FAM184A: variants seen among roughly 807,000 people sequenced by gnomAD.
FAM184A encodes protein FAM184A.
Under a neutral mutation model 143.8 loss-of-function variants are expected in FAM184A, and 99 were observed. That is an observed-to-expected ratio of 0.69 (90% CI 0.58 to 0.81). FAM184A has a LOEUF of 0.81. Ranked by LOEUF, FAM184A falls within the 40% of genes least tolerant of loss-of-function variation. FAM184A has a pLI of 0.00. For synonymous variants in FAM184A, 427 were observed against 446.4 expected, an observed-to-expected ratio of 0.96 and a Z score of 0.55; for missense variants, 1,217 against 1,310.5, an observed-to-expected ratio of 0.93 and a Z score of 1.10.
At chr6:119,063,928 C>CA (rs1232403910) in intron 1 of FAM184A, among the ~76,000 whole-genome samples, 1 of 152,036 alleles carries the variant, frequency 6.6e-6, no homozygotes, top group Non-Finnish European at 1.5e-5. Flanking sequence ...TTGGAGAGTT[C>CA]AAAAATGCCT....
intron 1 of FAM184A, among the ~76,000 whole-genome samples, chr6:119,106,695 T>C (rs115898016): frequency 2.6e-5 from 4 of 152,360 alleles, no homozygotes; most frequent in African/African-American, 9.6e-5. Flanking sequence ...CTTAATCTTT[T>C]TGTGCCTCAG....
intron 1 of FAM184A, among the ~76,000 whole-genome samples, chr6:119,087,922 G>T (rs1252642882): frequency 6.6e-6 from 1 of 152,154 alleles, no homozygotes; most frequent in Non-Finnish European, 1.5e-5. Flanking sequence ...ATCTTAAAAA[G>T]AATGACACAT....
chr6:119,070,352 T>C (rs1787636397), intron 1 of FAM184A, among the ~76,000 whole-genome samples: 1 of 152,204 alleles, frequency 6.6e-6, no homozygotes, highest in Non-Finnish European at 1.5e-5. Context: ...AAATTTTTGC[T>C]TGGTCTTAAA....
At chr6:119,061,579 C>A (rs577530632) in intron 1 of FAM184A, among the ~76,000 whole-genome samples, 1 of 114,110 alleles carries the variant, frequency 8.8e-6, no homozygotes, top group African/African-American at 3.5e-5. Flanking sequence ...GCTCTCACTA[C>A]GTTGCCCAGA....
chr6:119,054,788 A>G (rs1786895164), intron 1 of FAM184A, among the ~76,000 whole-genome samples: 1 of 152,208 alleles, frequency 6.6e-6, no homozygotes, highest in Admixed American at 6.6e-5. Context: ...AGAGAAATTC[A>G]CATAGACTTC....
chr6:118,992,681 T>C (rs1185192430), intron 9 of FAM184A, among the ~76,000 whole-genome samples: 1 of 152,076 alleles, frequency 6.6e-6, no homozygotes, highest in Admixed American at 6.6e-5. Context: ...AATCCCAGCA[T>C]TTTGGAAGGC....
At chr6:118,987,146 G>A (rs1230225372) in intron 9 of FAM184A, among the ~76,000 whole-genome samples, 1 of 152,148 alleles carries the variant, frequency 6.6e-6, no homozygotes, top group Non-Finnish European at 1.5e-5. Context: ...GATTTCTCTA[G>A]GGCTGGCATT....
At chr6:119,004,821 GA>G (rs1426226998) in intron 7 of FAM184A, among the ~76,000 whole-genome samples, 2 of 152,054 alleles carry the variant, frequency 1.3e-5, no homozygotes, top group Non-Finnish European at 2.9e-5. Context: ...ATGTAAATAT[GA>G]AAAAAGACCT....
chr6:119,088,627 G>C (rs966582330), intron 1 of FAM184A, among the ~76,000 whole-genome samples: 3 of 151,898 alleles, frequency 2.0e-5, no homozygotes, highest in Non-Finnish European at 4.4e-5. Flanking sequence ...GGGTTGGCCA[G>C]GTGATCTCAA....
At chr6:118,990,663 C>G (rs1412052086) in intron 9 of FAM184A, among the ~76,000 whole-genome samples, 1 of 151,374 alleles carries the variant, frequency 6.6e-6, no homozygotes, top group Non-Finnish European at 1.5e-5. Context: ...GTCAGGATTT[C>G]GAGACCAGCC....
chr6:119,045,784 C>A (rs561652899), intron 1 of FAM184A, among the ~76,000 whole-genome samples: 1 of 151,856 alleles, frequency 6.6e-6, no homozygotes, highest in Middle Eastern at 3.2e-3. Flanking sequence ...TTCTTAAATA[C>A]AATAAAGCCA....
chr6:119,076,475 C>A (rs1471365962), intron 1 of FAM184A, among the ~76,000 whole-genome samples: 1 of 152,138 alleles, frequency 6.6e-6, no homozygotes, highest in Non-Finnish European at 1.5e-5. Context: ...CCGATCAATA[C>A]ACCTACGTTT....
At chr6:119,108,804 C>T (rs950746672) in intron 1 of FAM184A, among the ~76,000 whole-genome samples, 1 of 152,122 alleles carries the variant, frequency 6.6e-6, no homozygotes, top group African/African-American at 2.4e-5. Flanking sequence ...ACCATTAAAG[C>T]TTTGAGTGGA....
chr6:119,057,182 A>C (rs191535844), intron 1 of FAM184A, among the ~76,000 whole-genome samples: 26 of 152,350 alleles, frequency 1.7e-4, no homozygotes, highest in African/African-American at 6.0e-4. Context: ...TGAAGTAAAG[A>C]TCCAAATCTT....
chr6:118,961,568 C>G (rs1001673579), intron 17 of FAM184A, among the ~76,000 whole-genome samples, 193 bp downstream of exon 17: 11 of 151,670 alleles, frequency 7.3e-5, no homozygotes, highest in Admixed American at 5.9e-4. Flanking sequence ...GACTGATGAC[C>G]ACAAATTAGA....
rs1491454245 is a variant in FAM184A, at chr6:118,970,009, T to TATATATATA, written c.2916-3058_2916-3057insTATATATAT. Among the ~76,000 whole-genome samples, 4 of 23,278 alleles carry TATATATATA rather than the reference T, an allele frequency of 1.7e-4. 1 individual carries two copies. Among genetic ancestry groups the TATATATATA allele is most frequent in the African/African-American group, 6.9e-4 (4 of 5,770 alleles). The allele number at this position is 23,278 out of a possible 152,430, so 15.3% of individuals were successfully genotyped here. A position where few individuals can be genotyped will look rare whatever the true frequency, so the allele number is the denominator to read the frequency against. On this transcript the variant is annotated intron_variant, in intron 14 of 17. Transcript: ENST00000338891. ...TATATATATAATATATATATATATA[T>TATATATATA]TTTTTTTTTTTTGAGATGGAGTTTT... is the stretch of plus-strand genomic sequence containing the variant.
At chr6:119,053,011 C>A (rs1786822780) in intron 1 of FAM184A, among the ~76,000 whole-genome samples, 2 of 152,154 alleles carry the variant, frequency 1.3e-5, no homozygotes, top group South Asian at 4.1e-4. Context: ...TCTGGTTGCA[C>A]TGTGGAGGAT....
intron 1 of FAM184A, among the ~76,000 whole-genome samples, chr6:119,039,758 A>G (rs1786251489): frequency 6.6e-6 from 1 of 152,170 alleles, no homozygotes; most frequent in African/African-American, 2.4e-5. Flanking sequence ...AAAAATGATA[A>G]TTCAGCAGCA....
At chr6:119,133,171 A>T (rs1454008356) in intron 1 of FAM184A, among the ~76,000 whole-genome samples, 1 of 152,218 alleles carries the variant, frequency 6.6e-6, no homozygotes, top group Non-Finnish European at 1.5e-5. Context: ...TCAGAAGAGA[A>T]AGCTTGACAA....
Sources: gnomAD v4.1 joint callset for allele counts (sites outside exome capture counted in the v4.1 genomes callset) on GRCh38, gnomAD v4.1.1 for gene constraint, MANE v1.5 for transcripts, NCBI Gene and HGNC (gene_info 2026-07-23, HGNC 2026-07-21) for gene names.